CCSER1: variants seen among roughly 807,000 people sequenced by gnomAD.
The protein encoded by CCSER1 is serine-rich coiled-coil domain-containing protein 1.
CCSER1 carries 41 observed loss-of-function variants against 82.0 expected under a neutral mutation model. That is an observed-to-expected ratio of 0.50 (90% confidence interval 0.39 to 0.65). The LOEUF (loss-of-function observed/expected upper bound fraction) is 0.65. CCSER1 is among the 30% of genes least tolerant of loss of function. The pLI is 0.00. For missense variants in CCSER1, 1,119 were observed against 1,064.2 expected, an observed-to-expected ratio of 1.05 and a Z score of -0.72; for synonymous variants, 414 against 383.9, an observed-to-expected ratio of 1.08 and a Z score of -0.92.
chr4:90,867,547 A>G (rs2150014604), intron 8 of CCSER1, among the ~76,000 whole-genome samples: 1 of 152,038 alleles, frequency 6.6e-6, no homozygotes, highest in African/African-American at 2.4e-5. Context: ...CAGACATTCC[A>G]ATTATATTCT....
At chr4:91,086,778 C>T (rs917747706) in intron 10 of CCSER1, among the ~76,000 whole-genome samples, 3 of 152,004 alleles carry the variant, frequency 2.0e-5, no homozygotes, top group African/African-American at 7.2e-5. Context: ...GTGGTGCTTG[C>T]CAGCTTTCCT....
At chr4:90,859,118 C>T (rs1269520150) in intron 8 of CCSER1, among the ~76,000 whole-genome samples, 1 of 151,876 alleles carries the variant, frequency 6.6e-6, no homozygotes, top group Non-Finnish European at 1.5e-5. Flanking sequence ...AGGACAAATT[C>T]ATATGTAGCA....
At chr4:91,505,140 G>A (rs1239265014) in intron 10 of CCSER1, among the ~76,000 whole-genome samples, 1 of 152,026 alleles carries the variant, frequency 6.6e-6, no homozygotes, top group African/African-American at 2.4e-5. Flanking sequence ...CCTTCCCTGT[G>A]TCCATGTGCT....
chr4:90,498,294 CTCTT>C (rs141449660), intron 5 of CCSER1, among the ~76,000 whole-genome samples: 2,206 of 152,242 alleles, frequency 0.014, 31 homozygotes, highest in African/African-American at 0.043. Context: ...GTCTCTCCCT[CTCTT>C]TCAAAATATC....
At chr4:91,584,379 A>C (rs1336400211) in intron 10 of CCSER1, among the ~76,000 whole-genome samples, 1 of 151,588 alleles carries the variant, frequency 6.6e-6, no homozygotes, top group Non-Finnish European at 1.5e-5. Flanking sequence ...CAGGAAAATC[A>C]TTCTCACTGA....
intron 9 of CCSER1, among the ~76,000 whole-genome samples, chr4:90,929,601 T>C (rs911549530): frequency 8.5e-5 from 13 of 152,162 alleles, no homozygotes; most frequent in African/African-American, 2.9e-4. Flanking sequence ...TTAGTATCAG[T>C]GAACCAAAAG....
intron 8 of CCSER1, among the ~76,000 whole-genome samples, chr4:90,888,629 T>C (rs954607149): frequency 3.9e-5 from 6 of 152,178 alleles, no homozygotes; most frequent in African/African-American, 1.4e-4. Context: ...TAATCACCTG[T>C]AACTTTGAGG....
intron 1 of CCSER1, among the ~76,000 whole-genome samples, chr4:90,152,378 G>A (rs1727026368): frequency 6.6e-6 from 1 of 152,138 alleles, no homozygotes; most frequent in Non-Finnish European, 1.5e-5. Flanking sequence ...TGAAGGAATG[G>A]GCATACTGGC....
intron 1 of CCSER1, among the ~76,000 whole-genome samples, chr4:90,297,659 A>G (rs1732233121): frequency 6.6e-6 from 1 of 151,280 alleles, no homozygotes; most frequent in Admixed American, 6.6e-5. Context: ...TTATTTTGAG[A>G]TACATCCCAT....
At chr4:90,758,985 TA>T (rs927633480) in intron 7 of CCSER1, among the ~76,000 whole-genome samples, 3 of 152,188 alleles carry the variant, frequency 2.0e-5, no homozygotes, top group African/African-American at 7.2e-5. Flanking sequence ...AGTAACACCC[TA>T]TACACTCCTT....
chr4:91,326,906 T>A (rs1560591154), intron 10 of CCSER1, among the ~76,000 whole-genome samples: 1 of 152,136 alleles, frequency 6.6e-6, no homozygotes, highest in African/African-American at 2.4e-5. Context: ...CCTCTGACTC[T>A]ATGTCTCACA....
intron 10 of CCSER1, among the ~76,000 whole-genome samples, chr4:91,144,855 T>A (rs1209748899): frequency 6.6e-6 from 1 of 152,100 alleles, no homozygotes; most frequent in Non-Finnish European, 1.5e-5. Context: ...TTTTAAAAAA[T>A]TTGTTGAGAC....
chr4:90,431,808 A>T (rs1291388375), intron 4 of CCSER1, among the ~76,000 whole-genome samples: 1 of 152,082 alleles, frequency 6.6e-6, no homozygotes, highest in African/African-American at 2.4e-5. Context: ...ATCGGTAGTG[A>T]ATGTTTATGG....
chr4:91,461,930 G>A (rs1390168319), intron 10 of CCSER1, among the ~76,000 whole-genome samples: 1 of 152,108 alleles, frequency 6.6e-6, no homozygotes, highest in Non-Finnish European at 1.5e-5. Context: ...TAAGTAACTG[G>A]TGAAAATACA....
At chr4:90,577,020 A>G (rs1476339690) in intron 5 of CCSER1, among the ~76,000 whole-genome samples, 3 of 152,098 alleles carry the variant, frequency 2.0e-5, no homozygotes, top group Admixed American at 1.3e-4. Context: ...CTATTGTTCC[A>G]TATCCTAACC....
At chr4:90,851,652 G>C (rs1174258258) in intron 8 of CCSER1, among the ~76,000 whole-genome samples, 1 of 151,350 alleles carries the variant, frequency 6.6e-6, no homozygotes, top group African/African-American at 2.4e-5. Flanking sequence ...TAAAGAAGAG[G>C]TGTACAGAAT....
chr4:90,877,862 T>C (rs989461512), intron 8 of CCSER1, among the ~76,000 whole-genome samples: 3 of 152,110 alleles, frequency 2.0e-5, no homozygotes, highest in Non-Finnish European at 4.4e-5. Flanking sequence ...AGTCTTTCTT[T>C]AGCTATTTTA....
chr4:90,665,173 G>A (rs1017209556), intron 6 of CCSER1, among the ~76,000 whole-genome samples: 15 of 151,858 alleles, frequency 9.9e-5, no homozygotes, highest in Admixed American at 9.8e-4. Flanking sequence ...CTATAGTAGG[G>A]GTCCTTGCTA....
At chr4:90,729,489 G>A (rs1464071050) in intron 7 of CCSER1, among the ~76,000 whole-genome samples, 2 of 152,088 alleles carry the variant, frequency 1.3e-5, no homozygotes, top group Non-Finnish European at 2.9e-5. Flanking sequence ...TTGAGAAGGA[G>A]TAAATATAAT....
Sources: allele counts gnomAD v4.1 joint callset (sites outside exome capture counted in the v4.1 genomes callset), GRCh38; gene constraint gnomAD v4.1.1; transcripts MANE v1.5; gene names NCBI Gene and HGNC (gene_info 2026-07-23, HGNC 2026-07-21).